Variants in ANGPTL1 observed in about 807,000 individuals in gnomAD.
The protein encoded by ANGPTL1 is angiopoietin like 1.
In ANGPTL1, 36 loss-of-function variants were observed where a neutral mutation model predicts 46.7. The ratio of observed to expected loss-of-function variants is 0.77; its 90% CI spans 0.59 to 1.02. ANGPTL1 has a LOEUF of 1.02. Among genes scored for constraint, ANGPTL1 ranks in the 50% least tolerant of loss-of-function variants. The pLI, the probability that ANGPTL1 is intolerant of heterozygous loss-of-function variation, is 0.00. For synonymous variants in ANGPTL1, 221 were observed against 204.3 expected (o/e 1.08, Z -0.69); for missense variants, 571 against 594.7 (o/e 0.96, Z 0.41).
At chr1:178,870,448 C>T (rs1192260388) in intron 1 of ANGPTL1, among the ~76,000 whole-genome samples, 1 of 152,108 alleles carries the variant, frequency 6.6e-6, no homozygotes, top group Admixed American at 6.5e-5. Context: ...AAATTTCTTT[C>T]TACTGTCACT....
intron 2 of ANGPTL1, among the ~76,000 whole-genome samples, chr1:178,867,370 C>A (rs1243533918): frequency 6.6e-6 from 1 of 152,064 alleles, no homozygotes; most frequent in Admixed American, 6.6e-5. Context: ...TGAATCCAGG[C>A]TGAAGACTTC....
rs764492378 is a variant in ANGPTL1, at chr1:178,853,693, C to T, written c.918G>A (p.Gln306=). Residue 306 remains glutamine (Q), a synonymous_variant, in exon 4 of 6, where the codon CAG becomes CAA. Transcript: ENST00000234816. ...GGTCCAAACTGTTTTCACACCATAACTGCATTGGTCCATTGCTGTTTTCAG... is the reference window on the plus strand; with the variant it reads ...GGTCCAAACTGTTTTCACACCATAATTGCATTGGTCCATTGCTGTTTTCAG... ...IKPENSNGPM[Q]LWCENSLDPG... is the part of the protein sequence containing the mutation. 6.2e-7 allele frequency: 1 copy of T among 1,613,286 alleles called. No homozygotes were observed. The highest frequency in any genetic ancestry group is 8.5e-7 in the Non-Finnish European group (1 of 1,179,554).
chr1:178,865,231 C>T lies in ANGPTL1; in HGVS notation c.546G>A (p.Leu182=). 1 of 1,614,092 alleles carries T rather than the reference C, an allele frequency of 6.2e-7. No homozygotes were observed. Among genetic ancestry groups the T allele is most frequent in the Non-Finnish European group, 8.5e-7 (1 of 1,179,994 alleles). ...CAGATTGGTTATTGACAAGATCAGT[C>T]AAGGAAGCGTATTTCACCTCTAGTT... is the stretch of plus-strand genomic sequence containing the variant. ...YRELEVKYAS[L]TDLVNNQSVM... Residue 182 remains leucine, a synonymous_variant, in exon 3 of 6, where the codon TTG becomes TTA. Coordinates refer to ENST00000234816, the MANE Select transcript of ANGPTL1 (RefSeq NM_004673.4).
chr1:178,857,747 G>A (rs1657686532), intron 3 of ANGPTL1, among the ~76,000 whole-genome samples: 1 of 152,116 alleles, frequency 6.6e-6, no homozygotes. Flanking sequence ...AGTTTTGACA[G>A]TTTACATTTA....
At chr1:178,866,208 G>T (rs1331784405) in intron 2 of ANGPTL1, among the ~76,000 whole-genome samples, 3 of 152,054 alleles carry the variant, frequency 2.0e-5, no homozygotes, top group Non-Finnish European at 2.9e-5. Context: ...TGTTTGTAAG[G>T]CATTAATTAA....
rs1333143493 is a variant in ANGPTL1 at position 178,865,685 on chromosome 1, A to G, written c.92T>C (p.Ile31Thr). ...GGCACGAGGGTATCTTCTCTGGTTT[A>G]TTTTTTTAATTTTGAATTGTCCACC... ...CRGGQFKIKK[I>T]NQRRYPRATD... The change falls in exon 3 of 6, where the codon ATA becomes ACA. Residue 31 changes from isoleucine to threonine, a missense_variant. Transcript: ENST00000234816. The G allele has an allele frequency of 6.8e-6, 11 of 1,613,830 alleles. No homozygotes were observed. Among genetic ancestry groups the G allele is most frequent in the Non-Finnish European group, 9.3e-6 (11 of 1,179,926 alleles).
intron 4 of ANGPTL1, 67 bp downstream of exon 4, chr1:178,853,527 C>G (rs1657322154): frequency 1.6e-6 from 2 of 1,255,342 alleles, no homozygotes; most frequent in Admixed American, 2.7e-5. Flanking sequence ...TGCATAGCAT[C>G]TTGTTTCTTG....
intron 2 of ANGPTL1, among the ~76,000 whole-genome samples, chr1:178,866,901 C>A (rs1456809253): frequency 6.6e-6 from 1 of 152,086 alleles, no homozygotes; most frequent in Non-Finnish European, 1.5e-5. Context: ...AGACTTTTTC[C>A]TTTCTCTCTA....
intron 2 of ANGPTL1, among the ~76,000 whole-genome samples, chr1:178,867,564 G>C (rs993226507): frequency 2.0e-5 from 3 of 152,074 alleles, no homozygotes; most frequent in Admixed American, 6.6e-5. Context: ...TTTTACCCTA[G>C]TCATGTCATA....
At chr1:178,861,450 G>GT (rs547749109) in intron 3 of ANGPTL1, among the ~76,000 whole-genome samples, 4,123 of 144,270 alleles carry the variant, frequency 0.029, 55 homozygotes, top group Middle Eastern at 0.05. Flanking sequence ...GCATTCGTGG[G>GT]TTTTTTTTTT....
chr1:178,853,975 C>T (rs1348001681), intron 3 of ANGPTL1, among the ~76,000 whole-genome samples, 188 bp from the exon 4 acceptor site: 1 of 151,800 alleles, frequency 6.6e-6, no homozygotes, highest in East Asian at 1.9e-4. Flanking sequence ...TAATTTGTTT[C>T]GTTTTCATCT....
chr1:178,854,335 T>C (rs888606762), intron 3 of ANGPTL1, among the ~76,000 whole-genome samples: 1 of 152,190 alleles, frequency 6.6e-6, no homozygotes, highest in Non-Finnish European at 1.5e-5. Flanking sequence ...TGGAACATAC[T>C]AGTACCTTGA....
At chr1:178,853,086 T>C (rs1657291397) in intron 4 of ANGPTL1, 133 bp from the exon 5 acceptor site, 1 of 1,437,050 alleles carries the variant, frequency 7.0e-7, no homozygotes, top group Non-Finnish European at 9.1e-7. Flanking sequence ...TCCATTTTAG[T>C]TGGTCACTTG....
intron 3 of ANGPTL1, among the ~76,000 whole-genome samples, chr1:178,858,053 T>A (rs547879518): frequency 2.0e-5 from 3 of 152,318 alleles, no homozygotes; most frequent in South Asian, 4.1e-4. Flanking sequence ...CAGTTGGATA[T>A]CTGTTAGACT....
rs1657254238 is a variant in ANGPTL1 at position 178,852,693 on chromosome 1, A to G, written c.1278T>C (p.Asp426=). ...KQFTTLDRDK[D]MYAGNCAHFH... Reference sequence around the variant, plus strand: ...GTTTTTCATACTTACCTGCATACATATCTTTATCTCTGTCCAGTGTGGTGA... The same window carrying G: ...GTTTTTCATACTTACCTGCATACATGTCTTTATCTCTGTCCAGTGTGGTGA... Residue 426 remains aspartate (D), a synonymous_variant, in exon 5 of 6, where the codon GAT becomes GAC. Coordinates refer to ENST00000234816, the MANE Select transcript of ANGPTL1 (RefSeq NM_004673.4). The G allele has an allele frequency of 1.2e-6, 2 of 1,612,402 alleles. No homozygotes were observed. Among genetic ancestry groups the G allele is most frequent in the Non-Finnish European group, 1.7e-6 (2 of 1,179,290 alleles).
chr1:178,865,182 G>A lies in ANGPTL1; in HGVS notation c.595C>T (p.Gln199Ter), dbSNP rs137965572. Reference protein sequence around the residue: ...QSVMITLLEEQCLRIFSRQDT... With the variant: ...QSVMITLLEE ...TGTCGGGAAAATATCCTCAAGCACT[G>A]TTCTTCCAACAAAGTGATCATCACA... The change falls in exon 3 of 6, where the codon CAG (glutamine) becomes TAG (stop). Residue 199 changes from glutamine to a stop codon, truncating the protein, a stop_gained. Coordinates refer to ENST00000234816, the MANE Select transcript of ANGPTL1 (RefSeq NM_004673.4). LOFTEE classifies it high-confidence loss of function. 1 of 1,612,956 alleles carries A rather than the reference G, an allele frequency of 6.2e-7. No homozygotes were observed. The highest frequency in any genetic ancestry group is 8.5e-7 in the Non-Finnish European group (1 of 1,179,322).
chr1:178,862,005 T>C (rs1037404411), intron 3 of ANGPTL1, among the ~76,000 whole-genome samples: 9 of 152,196 alleles, frequency 5.9e-5, no homozygotes, highest in African/African-American at 1.7e-4. Context: ...CCTGAATAGC[T>C]AGGATTACAG....
At chr1:178,859,688 C>A (rs1657831797) in intron 3 of ANGPTL1, among the ~76,000 whole-genome samples, 1 of 138,898 alleles carries the variant, frequency 7.2e-6, no homozygotes, top group African/African-American at 2.6e-5. Flanking sequence ...ACATCATACA[C>A]GAAGCACTTT....
intron 3 of ANGPTL1, among the ~76,000 whole-genome samples, chr1:178,856,510 G>A (rs1025274209): frequency 7.3e-6 from 1 of 136,788 alleles, no homozygotes; most frequent in Non-Finnish European, 1.5e-5. Flanking sequence ...TCGGACTTCA[G>A]ACTCCCAAAG....
Sources: gnomAD v4.1 joint callset for allele counts (sites outside exome capture counted in the v4.1 genomes callset) on GRCh38, gnomAD v4.1.1 for gene constraint, MANE v1.5 for transcripts, NCBI Gene and HGNC (gene_info 2026-07-23, HGNC 2026-07-21) for gene names.